The following RAD51B variants were observed in gnomAD, a reference collection of about 807,000 sequenced individuals.
RAD51B encodes DNA repair protein RAD51 homolog 2.
In RAD51B, 38 loss-of-function variants were observed where a neutral mutation model predicts 42.2. That is an observed-to-expected ratio of 0.90 (90% CI 0.70 to 1.18). RAD51B has a LOEUF of 1.18. Among genes scored for constraint, RAD51B ranks in the 50% most tolerant of loss-of-function variants. The pLI is 0.00. For synonymous variants in RAD51B, 154 were observed against 145.2 expected, an observed-to-expected ratio of 1.06 and a Z score of -0.43; for missense variants, 373 against 400.7, an observed-to-expected ratio of 0.93 and a Z score of 0.59.
rs903862218 is a variant in RAD51B at position 68,477,946 on chromosome 14, T to C, written c.*282T>C. On this transcript the variant is annotated 3_prime_UTR_variant, in exon 11 of 11. Coordinates refer to ENST00000471583, the MANE Select transcript of RAD51B (RefSeq NM_133510.4). ...CAGCCATAATAATAATTTGCACTTA[T>C]ATAGCACCTTTCAACCAGGCACCTC... is the stretch of plus-strand genomic sequence containing the variant. 8.6e-5 allele frequency: 105 copies of C among 1,216,962 alleles called. 1 individual carries two copies. The highest frequency in any genetic ancestry group is 6.3e-4 in the Middle Eastern group (2 of 3,184). The allele number at this position is 1,216,962 out of a possible 1,614,324, so 75.4% of individuals were successfully genotyped here.
At chr14:68,397,317 G>A (rs890168224) in intron 8 of RAD51B, among the ~76,000 whole-genome samples, 1 of 152,214 alleles carries the variant, frequency 6.6e-6, no homozygotes, top group Non-Finnish European at 1.5e-5. Flanking sequence ...TTTTGCAGAT[G>A]TGAACTGACT....
At chr14:68,124,415 A>G (rs756485331) in intron 7 of RAD51B, among the ~76,000 whole-genome samples, 4 of 152,230 alleles carry the variant, frequency 2.6e-5, no homozygotes, top group Admixed American at 2.0e-4. Flanking sequence ...AGCCGTACAC[A>G]CGAAAAAGTC....
chr14:68,424,806 G>A (rs982199635), intron 9 of RAD51B, among the ~76,000 whole-genome samples: 3 of 152,086 alleles, frequency 2.0e-5, no homozygotes, highest in Non-Finnish European at 2.9e-5. Context: ...ACAGGGTCTT[G>A]CTGTGTCGCC....
intron 4 of RAD51B, among the ~76,000 whole-genome samples, chr14:67,842,519 A>G (rs1448924712): frequency 6.6e-6 from 1 of 152,114 alleles, no homozygotes; most frequent in African/African-American, 2.4e-5. Context: ...ATAGGCGTGC[A>G]CTACCACTCC....
At chr14:67,970,488 C>A (rs117922362) in intron 7 of RAD51B, among the ~76,000 whole-genome samples, 702 of 151,338 alleles carry the variant, frequency 4.6e-3, no homozygotes, top group Middle Eastern at 6.8e-3. Context: ...AGTGGTCTTA[C>A]CTTTTAGTTG....
chr14:67,981,295 TAAG>T (rs1482706029), intron 7 of RAD51B, among the ~76,000 whole-genome samples: 2 of 152,136 alleles, frequency 1.3e-5, no homozygotes, highest in African/African-American at 2.4e-5. Context: ...AAAATAAAAT[TAAG>T]AAGACTAACC....
chr14:68,121,721 G>A (rs922279445), intron 7 of RAD51B, among the ~76,000 whole-genome samples: 2 of 152,052 alleles, frequency 1.3e-5, no homozygotes, highest in Non-Finnish European at 2.9e-5. Context: ...TAATATGATT[G>A]TATATTTGGA....
intron 7 of RAD51B, among the ~76,000 whole-genome samples, chr14:68,058,872 C>CA (rs2076522284): frequency 6.6e-6 from 1 of 152,136 alleles, no homozygotes; most frequent in Non-Finnish European, 1.5e-5. Flanking sequence ...CCACCAATAA[C>CA]ACATAGGCAT....
intron 10 of RAD51B, among the ~76,000 whole-genome samples, chr14:68,621,250 G>A (rs1222876670): frequency 1.3e-5 from 2 of 152,322 alleles, no homozygotes; most frequent in South Asian, 4.1e-4. Context: ...CCTTGCCAGA[G>A]AGAACCTCTA....
intron 7 of RAD51B, among the ~76,000 whole-genome samples, chr14:68,040,943 A>T (rs2076208178): frequency 6.6e-6 from 1 of 152,212 alleles, no homozygotes; most frequent in Non-Finnish European, 1.5e-5. Context: ...AAGATGGGTG[A>T]CTGGGTCATT....
chr14:68,335,378 T>C (rs1005232712), intron 8 of RAD51B, among the ~76,000 whole-genome samples: 1 of 152,078 alleles, frequency 6.6e-6, no homozygotes, highest in African/African-American at 2.4e-5. Flanking sequence ...TTTACATTTT[T>C]CTCAAAATTA....
intron 10 of RAD51B, among the ~76,000 whole-genome samples, chr14:68,535,402 C>G (rs1033817923): frequency 1.3e-5 from 2 of 150,746 alleles, no homozygotes; most frequent in African/African-American, 4.9e-5. Flanking sequence ...CCTCACCCCC[C>G]ACATATTGCC....
chr14:68,389,447 G>A (rs2083686448), intron 8 of RAD51B, among the ~76,000 whole-genome samples: 1 of 152,176 alleles, frequency 6.6e-6, no homozygotes, highest in Admixed American at 6.5e-5. Context: ...TATTCATGCT[G>A]TTTTATTAAC....
intron 3 of RAD51B, among the ~76,000 whole-genome samples, chr14:67,832,629 G>A (rs1253208695): frequency 2.0e-5 from 3 of 152,282 alleles, no homozygotes; most frequent in Non-Finnish European, 2.9e-5. Context: ...ATGAAATAAT[G>A]TATGTAAAGT....
chr14:68,264,084 A>G (rs536676507), intron 7 of RAD51B, among the ~76,000 whole-genome samples: 4 of 152,320 alleles, frequency 2.6e-5, no homozygotes, highest in East Asian at 1.9e-4. Context: ...CCTCTAATCT[A>G]TGGTCCTTCC....
chr14:68,360,829 G>T (rs969648799), intron 8 of RAD51B, among the ~76,000 whole-genome samples: 1 of 152,256 alleles, frequency 6.6e-6, no homozygotes, highest in Admixed American at 6.5e-5. Context: ...GTCTGAGGAA[G>T]AATGGGCAGC....
chr14:67,987,907 A>G (rs1455612117), intron 7 of RAD51B, among the ~76,000 whole-genome samples: 3 of 152,244 alleles, frequency 2.0e-5, no homozygotes, highest in East Asian at 1.9e-4. Context: ...GGAATAAAGT[A>G]ACTGAAGTGG....
chr14:68,219,143 C>T (rs113298580), intron 7 of RAD51B, among the ~76,000 whole-genome samples: 1 of 152,180 alleles, frequency 6.6e-6, no homozygotes, highest in Non-Finnish European at 1.5e-5. Flanking sequence ...CATAATCTTG[C>T]GTATCAGAGC....
intron 7 of RAD51B, among the ~76,000 whole-genome samples, chr14:68,079,466 G>A (rs1031067661): frequency 1.9e-4 from 29 of 152,198 alleles, no homozygotes; most frequent in Admixed American, 1.3e-3. Context: ...ATTTACTTCT[G>A]CTTAAACTCT....
Sources: gnomAD v4.1 joint callset for allele counts (sites outside exome capture counted in the v4.1 genomes callset) on GRCh38, gnomAD v4.1.1 for gene constraint, MANE v1.5 for transcripts, NCBI Gene and HGNC (gene_info 2026-07-23, HGNC 2026-07-21) for gene names.